Variants in TAMM41 observed in about 807,000 individuals in gnomAD.
TAMM41 encodes the protein phosphatidate cytidylyltransferase, mitochondrial.
Under a neutral mutation model 44.1 loss-of-function variants are expected in TAMM41, and 36 were observed. The observed-to-expected ratio is 0.82, with a 90% CI of 0.63 to 1.08. TAMM41 has a LOEUF of 1.08. Among genes scored for constraint, TAMM41 ranks in the 50% least tolerant of loss-of-function variants. The pLI is 0.00. For missense variants in TAMM41, 417 were observed against 404.3 expected, an observed-to-expected ratio of 1.03 and a Z score of -0.27; for synonymous variants, 164 against 153.1, an observed-to-expected ratio of 1.07 and a Z score of -0.53.
At chr3:11,769,887 G>C in the TAMM41 span, among the ~76,000 whole-genome samples, 1 of 152,192 alleles carries the variant, frequency 6.6e-6, no homozygotes, top group Non-Finnish European at 1.5e-5. Flanking sequence ...AGAACACCTA[G>C]TTATGCAAAG....
chr3:11,814,363 G>C (rs1427598705), intron 5 of TAMM41, among the ~76,000 whole-genome samples: 1 of 152,066 alleles, frequency 6.6e-6, no homozygotes, highest in Non-Finnish European at 1.5e-5. Context: ...AAGAGATTAG[G>C]AGAAAATAAT....
At chr3:11,752,625 C>CTTTTTTTTTTTTTT in the TAMM41 span, among the ~76,000 whole-genome samples, 84 of 39,954 alleles carry the variant, frequency 2.1e-3, 18 homozygotes, top group Non-Finnish European at 2.4e-3. Context: ...TCTTACAAAG[C>CTTTTTTTTTTTTTT]TTTTTTTTTT....
intron 4 of TAMM41, among the ~76,000 whole-genome samples, chr3:11,823,225 T>A (rs1178973144): frequency 6.6e-6 from 1 of 152,060 alleles, no homozygotes; most frequent in Non-Finnish European, 1.5e-5. Flanking sequence ...TAAACTGGAT[T>A]GTCTTTTCAT....
At chr3:11,783,119 A>C in the TAMM41 span, among the ~76,000 whole-genome samples, 3 of 152,192 alleles carry the variant, frequency 2.0e-5, no homozygotes. Context: ...GTATAAAAGA[A>C]TCTCACTGAG....
At chr3:11,759,406 G>A in the TAMM41 span, among the ~76,000 whole-genome samples, 1 of 151,646 alleles carries the variant, frequency 6.6e-6, no homozygotes, top group Non-Finnish European at 1.5e-5. Context: ...GAAGTGGTAC[G>A]GTGGAAGGGG....
At chr3:11,783,676 A>G in the TAMM41 span, among the ~76,000 whole-genome samples, 1 of 152,230 alleles carries the variant, frequency 6.6e-6, no homozygotes, top group African/African-American at 2.4e-5. Context: ...AGTAATATCA[A>G]CAATAACAGC....
At chr3:11,786,636 T>A (rs530221017), downstream of TAMM41, among the ~76,000 whole-genome samples, 4 of 151,634 alleles carry the variant, frequency 2.6e-5, no homozygotes, top group East Asian at 7.8e-4. Flanking sequence ...TTGTTTTCAT[T>A]TTTCTTGACT....
intron 3 of TAMM41, among the ~76,000 whole-genome samples, chr3:11,831,877 C>T (rs1401946261): frequency 6.6e-6 from 1 of 152,088 alleles, no homozygotes; most frequent in Non-Finnish European, 1.5e-5. Context: ...AATAACACCC[C>T]CTCCTCCCTT....
At chr3:11,845,401 G>A (rs887838434) in intron 1 of TAMM41, among the ~76,000 whole-genome samples, 3 of 152,130 alleles carry the variant, frequency 2.0e-5, no homozygotes, top group East Asian at 1.9e-4. Flanking sequence ...GGAATTCCAG[G>A]TCTATTCAAA....
At chr3:11,798,387 T>C (rs1026225920) in intron 7 of TAMM41, among the ~76,000 whole-genome samples, 2 of 152,080 alleles carry the variant, frequency 1.3e-5, no homozygotes, top group African/African-American at 4.8e-5. Context: ...CTCAGCAAAC[T>C]AACACAGCAA....
rs549503735 is a variant in TAMM41, at chr3:11,819,050, A to G, written c.563-1713T>C. ...CTTGTTTTTGTCACTATTATTTTGA[A>G]GGGAAAGAGAGTTAGATAGTTAAAA... On this transcript the variant is annotated intron_variant, in intron 4 of 7. Coordinates refer to ENST00000455809, the MANE Select transcript of TAMM41 (RefSeq NM_001284401.2). 6.6e-5 allele frequency among the ~76,000 whole-genome samples: 10 copies of G among 152,284 alleles called. No individual in the cohort carries two copies. In the East Asian group the frequency reaches 1.7e-3, roughly 26 times the overall value.
At chr3:11,786,037 C>G (rs551895451), downstream of TAMM41, among the ~76,000 whole-genome samples, 1 of 152,072 alleles carries the variant, frequency 6.6e-6, no homozygotes, top group Admixed American at 6.5e-5. Context: ...GAACTGTGTA[C>G]AAGTCTTCTG....
chr3:11,826,658 G>C (rs2078764353), intron 4 of TAMM41: 1 of 150,352 alleles, frequency 6.7e-6, no homozygotes, highest in African/African-American at 2.4e-5. Context: ...GTTCAAGCTT[G>C]TGTTTCAGGA....
the TAMM41 span, among the ~76,000 whole-genome samples, chr3:11,742,584 G>A: frequency 5.7e-4 from 84 of 147,922 alleles, 1 homozygote; most frequent in South Asian, 7.4e-3. Context: ...CATGCCCATC[G>A]CTTGCTTTTT....
At chr3:11,770,761 A>G in the TAMM41 span, among the ~76,000 whole-genome samples, 1 of 152,304 alleles carries the variant, frequency 6.6e-6, no homozygotes, top group South Asian at 2.1e-4. Flanking sequence ...ACAGCCTACC[A>G]ACATCCTTCA....
chr3:11,780,879 C>T, the TAMM41 span, among the ~76,000 whole-genome samples: 1 of 152,188 alleles, frequency 6.6e-6, no homozygotes, highest in Non-Finnish European at 1.5e-5. Context: ...AAATACTTGA[C>T]TAAATCAGTG....
At chr3:11,822,269 G>A (rs771923402) in intron 4 of TAMM41, among the ~76,000 whole-genome samples, 2 of 152,068 alleles carry the variant, frequency 1.3e-5, no homozygotes, top group Non-Finnish European at 2.9e-5. Context: ...ATATTGATAT[G>A]GCAAAATAAT....
chr3:11,731,831 G>A, the TAMM41 span, among the ~76,000 whole-genome samples: 1 of 151,364 alleles, frequency 6.6e-6, no homozygotes, highest in African/African-American at 2.4e-5. Context: ...GGGACTTTAT[G>A]TGAATCCTGG....
intron 2 of TAMM41, chr3:11,843,475 G>A (rs1341507795): frequency 1.3e-5 from 2 of 152,630 alleles, no homozygotes; most frequent in African/African-American, 2.4e-5. Flanking sequence ...AGTGGCTCAC[G>A]CCTGTAATCC....
Sources: gnomAD v4.1 joint callset for allele counts (sites outside exome capture counted in the v4.1 genomes callset) on GRCh38, gnomAD v4.1.1 for gene constraint, MANE v1.5 for transcripts, NCBI Gene and HGNC (gene_info 2026-07-23, HGNC 2026-07-21) for gene names.